ALOX12B: variants seen among roughly 807,000 people sequenced by gnomAD.
ALOX12B encodes the protein arachidonate 12-lipoxygenase, 12R-type.
In ALOX12B, 47 loss-of-function variants were observed where a neutral mutation model predicts 78.9. That is an observed-to-expected ratio of 0.60 (90% CI 0.47 to 0.76). The LOEUF is 0.76. Ranked by LOEUF, ALOX12B falls within the 30% of genes least tolerant of loss-of-function variation. The pLI is 0.00. For synonymous variants in ALOX12B, 370 were observed against 374.5 expected, an observed-to-expected ratio of 0.99 and a Z score of 0.14; for missense variants, 805 against 922.6, an observed-to-expected ratio of 0.87 and a Z score of 1.65.
In ALOX12B at chr17:8,087,341, A is replaced by G; in HGVS notation, c.102T>C (p.His34=). ...LTIVGTQGES[H]KQLLNHFGRD... ...TCCCAAAGTGGTTCAGCAGCTGCTTATGGCTCTCTCCTTGTGTCCCCACAA... is the reference window on the plus strand; with the variant it reads ...TCCCAAAGTGGTTCAGCAGCTGCTTGTGGCTCTCTCCTTGTGTCCCCACAA... Residue 34 remains histidine, a synonymous_variant, in exon 1 of 15, where the codon CAT becomes CAC. Coordinates refer to ENST00000647874, the MANE Select transcript of ALOX12B (RefSeq NM_001139.3). The G allele has an allele frequency of 1.2e-6, 2 of 1,613,936 alleles. No individual in the cohort carries two copies. Among genetic ancestry groups the G allele is most frequent in the Non-Finnish European group, 8.5e-7 (1 of 1,179,996 alleles).
chr17:8,075,322 G>T (rs947770234), intron 12 of ALOX12B, among the ~76,000 whole-genome samples: 5 of 152,168 alleles, frequency 3.3e-5, no homozygotes, highest in African/African-American at 4.8e-5. Context: ...GGGTGGGGCT[G>T]GGACCCCTCC....
chr17:8,072,825 G>T lies in ALOX12B; in HGVS notation c.2052C>A (p.Pro684=). 6.2e-7 allele frequency: 1 copy of T among 1,614,242 alleles called. No homozygotes were observed. The highest frequency in any genetic ancestry group is 8.5e-7 in the Non-Finnish European group (1 of 1,180,046). ...HDIRQRNKCL[P]IPYYYLDPVL... is the part of the protein sequence containing the mutation. ...CCGGGTCCAGGTAGTAGTAGGGGATGGGAAGGCACTTGTTGCGCTGGCGGA... is the reference window on the plus strand; with the variant it reads ...CCGGGTCCAGGTAGTAGTAGGGGATTGGAAGGCACTTGTTGCGCTGGCGGA... The change falls in exon 15 of 15, where the codon CCC becomes CCA. Residue 684 remains proline (P), a synonymous_variant. Coordinates refer to ENST00000647874, the MANE Select transcript of ALOX12B (RefSeq NM_001139.3).
intron 2 of ALOX12B, among the ~76,000 whole-genome samples, chr17:8,082,499 G>C (rs899777003): frequency 6.6e-6 from 1 of 152,224 alleles, no homozygotes; most frequent in Non-Finnish European, 1.5e-5. Context: ...AAGGTGGACA[G>C]ACGCGCAGGC....
chr17:8,080,465 G>T lies in ALOX12B; in HGVS notation c.651-127C>A, dbSNP rs1307131135. 1.4e-6 allele frequency: 2 copies of T among 1,392,058 alleles called. No homozygotes were observed. The highest frequency in any genetic ancestry group is 1.8e-5 in the Admixed American group (1 of 55,786). The allele number at this position is 1,392,058 out of a possible 1,614,324, so 86.2% of individuals were successfully genotyped here. ...GGGTCTGTGCGTCGCAAAGTCTCTG[G>T]GTCCCATGTCTCAAGATCTTTGCAT... On this transcript the variant is annotated intron_variant, in intron 5 of 14. Coordinates refer to ENST00000647874, the MANE Select transcript of ALOX12B (RefSeq NM_001139.3). This position sits in a 1 kb window ranked among gnomAD's most constrained non-coding sequence, Gnocchi z 4.8.
chr17:8,086,274 G>T, intron 1 of ALOX12B, 54 bp from the exon 2 acceptor site: 1 of 1,576,572 alleles, frequency 6.3e-7, no homozygotes, highest in Non-Finnish European at 8.6e-7. Context: ...CGGCTCCCAG[G>T]CCGCCCACCC....
Position 8,080,468 on chromosome 17 carries a change from C to T in ALOX12B, c.651-130G>A, listed in dbSNP as rs1567983264. The T allele has an allele frequency of 2.9e-6, 4 of 1,390,646 alleles. No individual in the cohort carries two copies. The highest frequency in any genetic ancestry group is 2.0e-6 in the Non-Finnish European group (2 of 984,194). 86.1% of individuals were successfully genotyped at this position (1,390,646 alleles called of 1,614,324 possible). ...TCTGTGCGTCGCAAAGTCTCTGGGT[C>T]CCATGTCTCAAGATCTTTGCATCTC... On this transcript the variant is annotated intron_variant, in intron 5 of 14. Transcript: ENST00000647874. The surrounding 1 kb of genome is among the most constrained non-coding windows in gnomAD (Gnocchi z 4.8).
At chr17:8,085,845 G>A (rs982160488) in intron 2 of ALOX12B, among the ~76,000 whole-genome samples, 171 bp downstream of exon 2, 1 of 152,194 alleles carries the variant, frequency 6.6e-6, no homozygotes, top group African/African-American at 2.4e-5. Flanking sequence ...CTGAGCTCAG[G>A]GCAGCAGCAC....
chr17:8,085,569 A>G (rs930860204), intron 2 of ALOX12B, among the ~76,000 whole-genome samples: 8 of 152,246 alleles, frequency 5.3e-5, no homozygotes, highest in Admixed American at 1.3e-4. Context: ...ATCCTGTTAT[A>G]GTAACAGAAT....
In ALOX12B at chr17:8,080,857, G is replaced by A; in HGVS notation, c.527+27C>T. On this transcript the variant is annotated intron_variant, in intron 4 of 14. Transcript: ENST00000647874. The surrounding 1 kb of genome is among the most constrained non-coding windows in gnomAD (Gnocchi z 4.8). ...GGCGCCCAGGGGAAAACCATGGGCG[G>A]GGCCCAGCACAGCTTCGGGTCCTTA... 5 of 1,613,918 alleles carry A rather than the reference G, an allele frequency of 3.1e-6. No homozygotes were observed. Among genetic ancestry groups the A allele is most frequent in the Non-Finnish European group, 4.2e-6 (5 of 1,179,958 alleles).
Position 8,079,872 on chromosome 17 carries a change from C to A in ALOX12B, c.824G>T (p.Gly275Val). 1 of 1,613,352 alleles carries A rather than the reference C, an allele frequency of 6.2e-7. No individual in the cohort carries two copies. Among genetic ancestry groups the A allele is most frequent in the Non-Finnish European group, 8.5e-7 (1 of 1,179,932 alleles). Residue 275 changes from glycine (G) to valine (V), a missense_variant, in exon 7 of 15, where the codon GGC (glycine) becomes GTC (valine). Transcript: ENST00000647874. This position sits in a 1 kb window ranked among gnomAD's most constrained non-coding sequence, Gnocchi z 6.4. ...GATCCGCGTGCAGCGGCGGATCAGGCCGGGGTTGACGCCGTTGAGGTACTG... is the reference window on the plus strand; with the variant it reads ...GATCCGCGTGCAGCGGCGGATCAGGACGGGGTTGACGCCGTTGAGGTACTG... ...GYQYLNGVNPGLIRRCTRIPD... is the reference protein window; with the variant it reads ...GYQYLNGVNPVLIRRCTRIPD...
At chr17:8,078,607 G>A (rs550399236) in intron 8 of ALOX12B, among the ~76,000 whole-genome samples, 157 of 152,170 alleles carry the variant, frequency 1.0e-3, no homozygotes, top group African/African-American at 3.3e-3. Flanking sequence ...TGTACACGCA[G>A]CAGCAAGAGC....
At chr17:8,078,077 G>A (rs900652932) in intron 8 of ALOX12B, among the ~76,000 whole-genome samples, 1 of 151,690 alleles carries the variant, frequency 6.6e-6, no homozygotes, top group Non-Finnish European at 1.5e-5. Flanking sequence ...ATTGTATTGG[G>A]TACTATAAGA....
At chr17:8,077,756 C>T (rs550860833) in intron 8 of ALOX12B, among the ~76,000 whole-genome samples, 11 of 152,326 alleles carry the variant, frequency 7.2e-5, no homozygotes, top group African/African-American at 2.6e-4. Context: ...CTAATTATCT[C>T]AGTATTTCCA....
Position 8,072,668 on chromosome 17 carries a change from G to T in ALOX12B, c.*103C>A. 1.4e-6 allele frequency: 2 copies of T among 1,478,996 alleles called. No homozygotes were observed. Among genetic ancestry groups the T allele is most frequent in the Non-Finnish European group, 1.9e-6 (2 of 1,064,334 alleles). 91.6% of individuals were successfully genotyped at this position (1,478,996 alleles called of 1,614,324 possible). On this transcript the variant is annotated 3_prime_UTR_variant, in exon 15 of 15. Coordinates refer to ENST00000647874, the MANE Select transcript of ALOX12B (RefSeq NM_001139.3). ...AGGTTTTTTGTTTTTTTGTTTGTTT[G>T]GTGTTTTGGTCTCTGAGGTTTTTGT...
chr17:8,086,561 A>C (rs1978299261), intron 1 of ALOX12B, among the ~76,000 whole-genome samples: 1 of 152,074 alleles, frequency 6.6e-6, no homozygotes, highest in Non-Finnish European at 1.5e-5. Context: ...ACAGTTTTCG[A>C]GTGGGGAGAG....
chr17:8,084,623 T>A (rs1978291840), intron 2 of ALOX12B, among the ~76,000 whole-genome samples: 2 of 152,128 alleles, frequency 1.3e-5, no homozygotes, highest in South Asian at 4.1e-4. Flanking sequence ...ATGCTCACCA[T>A]CTCCCAGGCT....
At chr17:8,087,257 CAG>C (rs540660620) in intron 1 of ALOX12B, 37 bp downstream of exon 1, 18,664 of 883,452 alleles carry the variant, frequency 0.021, 197 homozygotes, top group Admixed American at 0.036. Context: ...CACACACACA[CAG>C]ACACACACAC....
Position 8,087,552 on chromosome 17 carries a change from G to A in ALOX12B, c.-110C>T. 6.4e-7 allele frequency: 1 copy of A among 1,564,438 alleles called. No homozygotes were observed. The highest frequency in any genetic ancestry group is 8.7e-7 in the Non-Finnish European group (1 of 1,148,476). The stretch of plus-strand genomic sequence containing the variant: ...CCAGGCACAGAGTGGAGTGGACAGG[G>A]CTGGCCTCCGAGGTGCAGTGGTGAG... On this transcript the variant is annotated 5_prime_UTR_variant, in exon 1 of 15. Transcript: ENST00000647874.
rs1259932859 is a variant in ALOX12B at position 8,076,727 on chromosome 17, G to A, written c.1292C>T (p.Thr431Ile). 1 of 1,550,672 alleles carries A rather than the reference G, an allele frequency of 6.4e-7. No individual in the cohort carries two copies. The highest frequency in any genetic ancestry group is 8.7e-7 in the Non-Finnish European group (1 of 1,147,110). ...HPLYKLLIPH[T>I]RYTVQINSIG... ...GCTGTTGATCTGGACGGTGTATCGGGTATGGGGGATGAGGAGCTGTGGGGA... is the reference window on the plus strand; with the variant it reads ...GCTGTTGATCTGGACGGTGTATCGGATATGGGGGATGAGGAGCTGTGGGGA... Residue 431 changes from threonine (T) to isoleucine (I), a missense_variant, in exon 10 of 15, where the codon ACC becomes ATC. Thr to Ile is a moderately conservative substitution (Grantham distance 89, BLOSUM62 -1). Transcript: ENST00000647874.
Sources: allele counts gnomAD v4.1 joint callset (sites outside exome capture counted in the v4.1 genomes callset), GRCh38; gene constraint gnomAD v4.1.1; non-coding constraint Gnocchi (gnomAD v3.1); transcripts MANE v1.5; gene names NCBI Gene and HGNC (gene_info 2026-07-23, HGNC 2026-07-21).